The following WTIP variants were observed in gnomAD, a reference collection of about 807,000 sequenced individuals.
WTIP encodes WT1 interacting protein.
A neutral mutation model predicts 41.7 loss-of-function variants in WTIP; 23 were observed. That is an observed-to-expected ratio of 0.55 (90% CI 0.40 to 0.78). The LOEUF (loss-of-function observed/expected upper bound fraction) is 0.78. Ranked by LOEUF, WTIP falls within the 30% of genes least tolerant of loss-of-function variation. WTIP has a pLI of 0.00. For missense variants in WTIP, 619 were observed against 610.5 expected (o/e 1.01, Z -0.15); for synonymous variants, 314 against 269.9 (o/e 1.16, Z -1.60).
At chr19:34,487,174 G>A (rs1398615384) in intron 1 of WTIP, among the ~76,000 whole-genome samples, 4 of 143,306 alleles carry the variant, frequency 2.8e-5, no homozygotes, top group Middle Eastern at 3.7e-3. Context: ...GTGTGATCTC[G>A]GCTCACTGCA....
At position 34,487,780 on chromosome 19, in the gene WTIP, T is replaced by A. The variant is rs147161052; in HGVS notation, c.668-2596T>A. Among the ~76,000 whole-genome samples, 56 of 150,710 alleles carry A rather than the reference T, an allele frequency of 3.7e-4. No homozygotes were observed. In the East Asian group the frequency reaches 7.8e-3, roughly 21 times the overall value. ...GCATGGCCTGGAGCTGGCAGAAGATTTACGGTCCAGAGGGCAGGTGGAGGC... is the reference window on the plus strand; with the variant it reads ...GCATGGCCTGGAGCTGGCAGAAGATATACGGTCCAGAGGGCAGGTGGAGGC... On this transcript the variant is annotated intron_variant, in intron 1 of 7. Coordinates refer to ENST00000590071, the MANE Select transcript of WTIP (RefSeq NM_001080436.2).
intron 1 of WTIP, among the ~76,000 whole-genome samples, chr19:34,486,842 C>CGAA (rs1217303762): frequency 6.6e-6 from 1 of 152,132 alleles, no homozygotes; most frequent in Non-Finnish European, 1.5e-5. Flanking sequence ...CTCCTGCCGT[C>CGAA]TGAGAGGACA....
chr19:34,487,696 AGAG>A, intron 1 of WTIP, among the ~76,000 whole-genome samples: 1 of 152,108 alleles, frequency 6.6e-6, no homozygotes, highest in Non-Finnish European at 1.5e-5. Flanking sequence ...TGGAGGAGGG[AGAG>A]GAGGTTATTT....
At position 34,495,683 on chromosome 19, in the gene WTIP, A is replaced by G; in HGVS notation, c.1084-20A>G. ...AGTCCCCACATGCTCATCGTGTGTG[A>G]ACTCCTTCTCTTCCTCCAGGGCTGC... On this transcript the variant is annotated intron_variant, in intron 6 of 7. Transcript: ENST00000590071. The G allele has an allele frequency of 6.2e-7, 1 of 1,613,400 alleles. No homozygotes were observed. The highest frequency in any genetic ancestry group is 1.1e-5 in the South Asian group (1 of 91,056).
At chr19:34,489,680 C>T (rs530883616) in intron 1 of WTIP, among the ~76,000 whole-genome samples, 2 of 152,332 alleles carry the variant, frequency 1.3e-5, no homozygotes, top group South Asian at 4.1e-4. Context: ...GGTGACTCCA[C>T]GCCTGTAATT....
At chr19:34,485,722 T>C (rs889909666) in intron 1 of WTIP, among the ~76,000 whole-genome samples, 1 of 152,036 alleles carries the variant, frequency 6.6e-6, no homozygotes, top group African/African-American at 2.4e-5. Context: ...GCCTCCTGAG[T>C]AGCTGAGACC....
At chr19:34,488,975 A>C (rs146567901) in intron 1 of WTIP, among the ~76,000 whole-genome samples, 5,471 of 151,314 alleles carry the variant, frequency 0.036, 324 homozygotes, top group African/African-American at 0.13. Flanking sequence ...AAGTGGGTGA[A>C]TCACCTGAGG....
chr19:34,499,026 T>C (rs2075870567), intron 7 of WTIP, among the ~76,000 whole-genome samples: 1 of 151,096 alleles, frequency 6.6e-6, no homozygotes, highest in Non-Finnish European at 1.5e-5. Context: ...CTGATCAGCA[T>C]AGCAAGACGC....
In WTIP at chr19:34,482,416, G is replaced by C; in HGVS notation, c.442G>C (p.Gly148Arg). The C allele has an allele frequency of 1.5e-6, 2 of 1,350,818 alleles. No homozygotes were observed. The highest frequency in any genetic ancestry group is 9.5e-7 in the Non-Finnish European group (1 of 1,049,622). 83.7% of individuals were successfully genotyped at this position (1,350,818 alleles called of 1,614,324 possible). ...GSARSSVSSL[G>R]SRGSAGAYAD... ...CGCCCGCTCCAGCGTTTCCAGCCTC[G>C]GCTCCCGGGGCTCGGCCGGCGCCTA... The change falls in exon 1 of 8, where the codon GGC (glycine) becomes CGC (arginine). Residue 148 changes from glycine (G) to arginine (R), a missense_variant. Transcript: ENST00000590071.
chr19:34,484,332 C>T (rs940599111), intron 1 of WTIP, among the ~76,000 whole-genome samples: 9 of 152,120 alleles, frequency 5.9e-5, no homozygotes, highest in Non-Finnish European at 1.2e-4. Flanking sequence ...TGAGAGATTG[C>T]CCCGCTCTTC....
At chr19:34,495,602 C>T in intron 6 of WTIP, 101 bp from the exon 7 acceptor site, 1 of 1,392,184 alleles carries the variant, frequency 7.2e-7, no homozygotes, top group Admixed American at 1.9e-5. Context: ...GGGCGTGCAC[C>T]TCCGCCGGGA....
At chr19:34,496,258 A>C (rs78438549) in intron 7 of WTIP, among the ~76,000 whole-genome samples, 1 of 152,166 alleles carries the variant, frequency 6.6e-6, no homozygotes, top group Admixed American at 6.5e-5. Context: ...TGGAGCCTCA[A>C]CCTCCTGGCT....
At chr19:34,484,447 A>G (rs2075787250) in intron 1 of WTIP, among the ~76,000 whole-genome samples, 1 of 151,956 alleles carries the variant, frequency 6.6e-6, no homozygotes, top group Non-Finnish European at 1.5e-5. Flanking sequence ...CTGTGAGGTC[A>G]TGGTGAGACT....
At position 34,482,317 on chromosome 19, in the gene WTIP, G is replaced by A; in HGVS notation, c.343G>A (p.Asp115Asn). Residue 115 changes from aspartate to asparagine, a missense_variant, in exon 1 of 8, where the codon GAC becomes AAC. This residue lies in a region of WTIP where 363 missense variants were observed against 309.0 expected (regional missense o/e 1.17). Transcript: ENST00000590071. ...ARSSGISLGY[D>N]QRHGSPRSGR... The stretch of plus-strand genomic sequence containing the variant: ...ATCCAGCGGCATCAGCCTGGGCTAC[G>A]ACCAGCGCCACGGCAGCCCGCGCTC... 2 of 1,382,322 alleles carry A rather than the reference G, an allele frequency of 1.4e-6. No homozygotes were observed. Among genetic ancestry groups the A allele is most frequent in the South Asian group, 2.8e-5 (2 of 71,154 alleles). 85.6% of individuals were successfully genotyped at this position (1,382,322 alleles called of 1,614,324 possible).
At position 34,511,642 on chromosome 19, in the gene WTIP, A is replaced by G. The variant is rs1217194062; in HGVS notation, c.*11373A>G. 6.6e-6 allele frequency: 1 copy of G among 152,226 alleles called. No homozygotes were observed. The highest frequency in any genetic ancestry group is 1.5e-5 in the Non-Finnish European group (1 of 68,048). The allele number at this position is 152,226 out of a possible 1,614,324, so 9.4% of individuals were successfully genotyped here. A position where few individuals can be genotyped will look rare whatever the true frequency, so the allele number is the denominator to read the frequency against. ...GTGCCAAGCAGTGTTCCCATCAATC[A>G]TAGGAAAATACCATTTCCCGCATCC... On this transcript the variant is annotated 3_prime_UTR_variant, in exon 8 of 8. Coordinates refer to ENST00000590071, the MANE Select transcript of WTIP (RefSeq NM_001080436.2).
Position 34,482,139 on chromosome 19 carries a change from C to T in WTIP, c.165C>T (p.Gly55=). ...CCGCGCTGGGCCGCAGAGGGAAGGG[C>T]AGCGGCGGCCCCGAGGCCGGGGCGG... The part of the protein sequence containing the change: ...AAPALGRRGK[G]SGGPEAGADG... The change falls in exon 1 of 8, where the codon GGC becomes GGT. Residue 55 remains glycine, a synonymous_variant. Coordinates refer to ENST00000590071, the MANE Select transcript of WTIP (RefSeq NM_001080436.2). 1.9e-6 allele frequency: 2 copies of T among 1,058,724 alleles called. No homozygotes were observed. The highest frequency in any genetic ancestry group is 7.3e-5 in the East Asian group (1 of 13,620). The allele number at this position is 1,058,724 out of a possible 1,614,324, so 65.6% of individuals were successfully genotyped here.
rs1599968114 is a variant in WTIP, at chr19:34,501,664, A to T, written c.*1395A>T. The T allele has an allele frequency of 6.6e-6, 1 of 152,394 alleles. No individual in the cohort carries two copies. The highest frequency in any genetic ancestry group is 1.9e-4 in the East Asian group (1 of 5,176). 9.4% of individuals were successfully genotyped at this position (152,394 alleles called of 1,614,324 possible). ...GGGCTGTCCAGGCCGAGCCCAAGGG[A>T]ACAAACACCAGGAGGCGCCCGCAGG... On this transcript the variant is annotated 3_prime_UTR_variant, in exon 8 of 8. Transcript: ENST00000590071.
rs1265417171 is a variant in WTIP, at chr19:34,493,015, C to G, written c.770-22C>G. The G allele has an allele frequency of 1.2e-6, 2 of 1,613,832 alleles. No individual in the cohort carries two copies. Among genetic ancestry groups the G allele is most frequent in the East Asian group, 4.5e-5 (2 of 44,872 alleles). ...CTGGTCCCCAGCGTTCCAGGGACCC[C>G]TCTCAACCCTCACCCTTGCAGGGAG... On this transcript the variant is annotated intron_variant, in intron 2 of 7. Transcript: ENST00000590071. The surrounding 1 kb of genome is among the most constrained non-coding windows in gnomAD (Gnocchi z 4.1).
rs748600755 is a variant in WTIP at position 34,493,121 on chromosome 19, C to T, written c.837+17C>T. ...GACTTCCTGGTGAGTCCAAGCTGTG[C>T]CCTGGCAGTGCCAGGGGTGGGAGGT... On this transcript the variant is annotated intron_variant, in intron 3 of 7. Coordinates refer to ENST00000590071, the MANE Select transcript of WTIP (RefSeq NM_001080436.2). This position sits in a 1 kb window ranked among gnomAD's most constrained non-coding sequence, Gnocchi z 4.1. 3.1e-6 allele frequency: 5 copies of T among 1,613,864 alleles called. No homozygotes were observed. Among genetic ancestry groups the T allele is most frequent in the Non-Finnish European group, 4.2e-6 (5 of 1,179,832 alleles).
Sources: allele counts gnomAD v4.1 joint callset (sites outside exome capture counted in the v4.1 genomes callset), GRCh38; gene constraint gnomAD v4.1.1; regional missense constraint gnomAD v4.1.1; non-coding constraint Gnocchi (gnomAD v3.1); transcripts MANE v1.5; gene names NCBI Gene and HGNC (gene_info 2026-07-23, HGNC 2026-07-21).